LIPN: variants seen among roughly 807,000 people sequenced by gnomAD.
LIPN encodes the protein lipase family member N, also known as lipase member N.
Under a neutral mutation model 43.7 loss-of-function variants are expected in LIPN, and 32 were observed. The ratio of observed to expected loss-of-function variants is 0.73; its 90% CI spans 0.55 to 0.98. LIPN has a LOEUF of 0.98. Ranked by LOEUF, LIPN falls within the 50% of genes least tolerant of loss-of-function variation. LIPN has a pLI of 0.00. For missense variants in LIPN, 505 were observed against 483.8 expected, an observed-to-expected ratio of 1.04 and a Z score of -0.41; for synonymous variants, 156 against 157.6, an observed-to-expected ratio of 0.99 and a Z score of 0.08.
intron 1 of LIPN, among the ~76,000 whole-genome samples, 157 bp from the exon 2 acceptor site, chr10:88,761,241 C>A (rs937475813): frequency 6.6e-6 from 1 of 152,082 alleles, no homozygotes; most frequent in African/African-American, 2.4e-5. Flanking sequence ...AATAGTGCTC[C>A]AAGTTAGTTC....
chr10:88,766,201 G>A, intron 4 of LIPN, 68 bp from the exon 5 acceptor site: 2 of 766,458 alleles, frequency 2.6e-6, no homozygotes, highest in Non-Finnish European at 4.6e-6. Context: ...AAAAAGAAGT[G>A]AGCAAGTGCT....
chr10:88,770,221 C>T (rs1325019352), intron 6 of LIPN, among the ~76,000 whole-genome samples: 1 of 151,806 alleles, frequency 6.6e-6, no homozygotes, highest in Admixed American at 6.6e-5. Context: ...ATTGTGCTGC[C>T]TTTGTGACAT....
At position 88,775,031 on chromosome 10, in the gene LIPN, T is replaced by A. The variant is rs1303219655; in HGVS notation, c.892-61T>A. 3.5e-6 allele frequency: 4 copies of A among 1,144,366 alleles called. No individual in the cohort carries two copies. In the Admixed American group the frequency reaches 8.5e-5, roughly 24 times the overall value. 70.9% of individuals were successfully genotyped at this position (1,144,366 alleles called of 1,614,324 possible). ...TAGCATACAGCATTTTTCTAAAATT[T>A]GCTGTTAGCTTTCATGATTCTTACC... On this transcript the variant is annotated intron_variant, in intron 8 of 9. Coordinates refer to ENST00000404459, the MANE Select transcript of LIPN (RefSeq NM_001102469.2).
intron 9 of LIPN, 69 bp downstream of exon 9, chr10:88,775,232 G>C: frequency 9.2e-7 from 1 of 1,091,138 alleles, no homozygotes; most frequent in South Asian, 1.5e-5. Context: ...TTTGAGGGTG[G>C]AAAGACTCCT....
chr10:88,775,568 T>C (rs1463469712), intron 9 of LIPN, among the ~76,000 whole-genome samples: 1 of 152,050 alleles, frequency 6.6e-6, no homozygotes, highest in African/African-American at 2.4e-5. Context: ...TAAAAATCTT[T>C]ACAGCATAAA....
Position 88,766,276 on chromosome 10 carries a change from G to A in LIPN, c.433G>A (p.Glu145Lys), listed in dbSNP as rs377021969. 6.3e-6 allele frequency: 10 copies of A among 1,580,790 alleles called. No individual in the cohort carries two copies. The highest frequency in any genetic ancestry group is 6.1e-6 in the Non-Finnish European group (7 of 1,154,510). ...CCCTGTTTTATTTTGCAGTTTTGAT[G>A]AAATGGCCAAATATGATCTCCCAGG... ...DEKFWAFSFDEMAKYDLPGVI... is the reference protein window; with the variant it reads ...DEKFWAFSFDKMAKYDLPGVI... Residue 145 changes from glutamate to lysine, a missense_variant, in exon 5 of 10, where the codon GAA becomes AAA. Physicochemically the swap from Glu to Lys is moderately conservative, Grantham distance 56. Coordinates refer to ENST00000404459, the MANE Select transcript of LIPN (RefSeq NM_001102469.2).
intron 4 of LIPN, among the ~76,000 whole-genome samples, chr10:88,765,913 G>A (rs1346493107): frequency 1.3e-5 from 2 of 151,828 alleles, no homozygotes; most frequent in Non-Finnish European, 2.9e-5. Context: ...GGTATTAAAT[G>A]GTCCTAACAA....
chr10:88,775,091 G>A lies in LIPN; in HGVS notation c.892-1G>A. ...CTTTTTCTAAAAAACATTTGTTTCA[G>A]CTTTACCACTCTGATGAATTCAGAG... On this transcript the variant is annotated splice_acceptor_variant, in intron 8 of 9. Coordinates refer to ENST00000404459, the MANE Select transcript of LIPN (RefSeq NM_001102469.2). LOFTEE classifies it high-confidence loss of function. 6.5e-7 allele frequency: 1 copy of A among 1,532,962 alleles called. No individual in the cohort carries two copies. The highest frequency in any genetic ancestry group is 2.5e-5 in the East Asian group (1 of 40,240). 95.0% of individuals were successfully genotyped at this position (1,532,962 alleles called of 1,614,324 possible).
chr10:88,762,629 G>T (rs1274359069), intron 3 of LIPN, among the ~76,000 whole-genome samples: 2 of 151,980 alleles, frequency 1.3e-5, no homozygotes, highest in Admixed American at 6.6e-5. Flanking sequence ...CCAGGAAAAT[G>T]GATCCTCTCA....
At chr10:88,767,071 C>T (rs563305144) in intron 5 of LIPN, among the ~76,000 whole-genome samples, 3 of 151,870 alleles carry the variant, frequency 2.0e-5, no homozygotes, top group African/African-American at 7.2e-5. Context: ...TAATCTAGTT[C>T]CAAGTAAAAG....
intron 2 of LIPN, 107 bp downstream of exon 2, chr10:88,761,620 A>G (rs1842998348): frequency 1.2e-5 from 9 of 742,260 alleles, no homozygotes; most frequent in Non-Finnish European, 2.0e-5. Context: ...AACAGATAAA[A>G]TGTAGATGGT....
intron 9 of LIPN, among the ~76,000 whole-genome samples, chr10:88,775,996 T>C (rs1266914999): frequency 6.6e-6 from 1 of 152,036 alleles, no homozygotes; most frequent in Non-Finnish European, 1.5e-5. Flanking sequence ...AGACCATGTA[T>C]ATTTTATTTA....
chr10:88,772,150 G>T (rs750210792), intron 7 of LIPN, among the ~76,000 whole-genome samples: 1 of 151,038 alleles, frequency 6.6e-6, no homozygotes, highest in African/African-American at 2.4e-5. Flanking sequence ...ATATATTCTG[G>T]TTACTAATCC....
intron 6 of LIPN, among the ~76,000 whole-genome samples, chr10:88,769,157 G>A (rs535635830): frequency 6.6e-6 from 1 of 152,042 alleles, no homozygotes; most frequent in South Asian, 2.1e-4. Context: ...TCAGCAGGCT[G>A]AGTATATGTC....
At position 88,778,277 on chromosome 10, in the gene LIPN, T is replaced by C; in HGVS notation, c.*35T>C. The C allele has an allele frequency of 6.6e-7, 1 of 1,504,556 alleles. No individual in the cohort carries two copies. Among genetic ancestry groups the C allele is most frequent in the East Asian group, 2.4e-5 (1 of 41,584 alleles). The allele number at this position is 1,504,556 out of a possible 1,614,324, so 93.2% of individuals were successfully genotyped here. On this transcript the variant is annotated 3_prime_UTR_variant, in exon 10 of 10. Coordinates refer to ENST00000404459, the MANE Select transcript of LIPN (RefSeq NM_001102469.2). The stretch of plus-strand genomic sequence containing the variant: ...ATTTACTTTTCAATTAAAAGTTGCT[T>C]CCAAGCCCATAAGGGACTTTAGAAA...
rs1843340860 is a variant in LIPN, at chr10:88,778,869, T to C, written c.*627T>C. 6.6e-6 allele frequency among the ~76,000 whole-genome samples: 1 copy of C among 152,196 alleles called. No individual in the cohort carries two copies. Among genetic ancestry groups the C allele is most frequent in the Non-Finnish European group, 1.5e-5 (1 of 68,040 alleles). On this transcript the variant is annotated 3_prime_UTR_variant, in exon 10 of 10. Transcript: ENST00000404459. The stretch of plus-strand genomic sequence containing the variant: ...GGATACATGTATAAAATCTTCCTTA[T>C]TAAAGCAGAAATAAATTGTACAGCA...
At chr10:88,770,702 T>C (rs1843189828) in intron 6 of LIPN, 143 bp from the exon 7 acceptor site, 2 of 513,888 alleles carry the variant, frequency 3.9e-6, no homozygotes, top group African/African-American at 2.0e-5. Context: ...TTTTGGTTTT[T>C]TGCTATTGCT....
chr10:88,761,399 C>T lies in LIPN; in HGVS notation c.-7C>T. ...TGAATATTAAATGTTTTATGCCAGG[C>T]ATTTCTATGATGTGGCTGCTTTTAA... On this transcript the variant is annotated splice_region_variant and 5_prime_UTR_variant, in exon 2 of 10. Coordinates refer to ENST00000404459, the MANE Select transcript of LIPN (RefSeq NM_001102469.2). The T allele has an allele frequency of 2.6e-6, 4 of 1,551,076 alleles. No individual in the cohort carries two copies. Among genetic ancestry groups the T allele is most frequent in the Non-Finnish European group, 3.6e-6 (4 of 1,123,442 alleles).
intron 6 of LIPN, 109 bp from the exon 7 acceptor site, chr10:88,770,736 T>C (rs186848105): frequency 3.3e-6 from 2 of 614,546 alleles, no homozygotes; most frequent in Admixed American, 3.3e-5. Flanking sequence ...GTCCTTGTTG[T>C]TGCTATTGAG....
Sources: allele counts gnomAD v4.1 joint callset (sites outside exome capture counted in the v4.1 genomes callset), GRCh38; gene constraint gnomAD v4.1.1; transcripts MANE v1.5; gene names NCBI Gene and HGNC (gene_info 2026-07-23, HGNC 2026-07-21).